Variants in ANK3 observed in about 807,000 individuals in gnomAD.
The protein encoded by ANK3 is ankyrin 3, also known as ankyrin-3.
Under a neutral mutation model 370.9 loss-of-function variants are expected in ANK3, and 57 were observed. The ratio of observed to expected loss-of-function variants is 0.15; its 90% CI spans 0.12 to 0.19. The LOEUF is 0.19. Among genes scored for constraint, ANK3 ranks in the 10% least tolerant of loss-of-function variants. The pLI, the probability that ANK3 is intolerant of heterozygous loss-of-function variation, is 1.00. For missense variants in ANK3, 4,439 were observed against 5,302.1 expected (o/e 0.84, Z 5.06); for synonymous variants, 1,929 against 1,946.3 (o/e 0.99, Z 0.23).
chr10:60,159,689 T>A (rs80065836), intron 23 of ANK3, among the ~76,000 whole-genome samples: 26 of 151,532 alleles, frequency 1.7e-4, no homozygotes, highest in South Asian at 4.2e-4. Context: ...TCAAAAAATT[T>A]AAAAAAAAAT....
intron 2 of ANK3, among the ~76,000 whole-genome samples, chr10:60,446,396 T>TG (rs2064445637): frequency 6.6e-6 from 1 of 152,190 alleles, no homozygotes; most frequent in African/African-American, 2.4e-5. Flanking sequence ...GCACTAATTC[T>TG]GGGTAGTGCC....
At chr10:60,523,302 C>T (rs2133185817) in intron 2 of ANK3, among the ~76,000 whole-genome samples, 1 of 151,702 alleles carries the variant, frequency 6.6e-6, no homozygotes, top group South Asian at 2.1e-4. Context: ...AGGTTAGTTA[C>T]ATAGGTATAC....
intron 2 of ANK3, among the ~76,000 whole-genome samples, chr10:60,584,786 T>C (rs532525166): frequency 6.6e-6 from 1 of 152,194 alleles, no homozygotes; most frequent in Non-Finnish European, 1.5e-5. Context: ...TGAAACTCAA[T>C]GACATCTTCA....
chr10:60,392,629 T>C (rs1165227501), upstream of ANK3, among the ~76,000 whole-genome samples: 1 of 152,212 alleles, frequency 6.6e-6, no homozygotes, highest in Non-Finnish European at 1.5e-5. Flanking sequence ...ATGTCAAAGC[T>C]ATTAAAAGCT....
At chr10:60,277,536 C>G (rs867175054) in intron 4 of ANK3, among the ~76,000 whole-genome samples, 1 of 152,160 alleles carries the variant, frequency 6.6e-6, no homozygotes. Context: ...AAAAGACCAT[C>G]TTTTGGAAGA....
At chr10:60,323,124 G>C (rs1157047586) in intron 1 of ANK3, among the ~76,000 whole-genome samples, 1 of 152,186 alleles carries the variant, frequency 6.6e-6, no homozygotes, top group Non-Finnish European at 1.5e-5. Context: ...AGATGGGTAA[G>C]AAACGGACTC....
In ANK3 at chr10:60,208,192, A is replaced by G. The variant is rs2096793917; in HGVS notation, c.1038T>C (p.His346=). Residue 346 remains histidine (H), a synonymous_variant, in exon 10 of 44, where the codon CAT becomes CAC. Transcript: ENST00000280772. ...GGAGGAGAAGCTGGACGCAGTTTAAATGATCCCCTTGTGTGGCCATGTGCA... is the reference window on the plus strand; with the variant it reads ...GGAGGAGAAGCTGGACGCAGTTTAAGTGATCCCCTTGTGTGGCCATGTGCA... ...SPLHMATQGD[H]LNCVQLLLQH... The G allele has an allele frequency of 1.2e-6, 2 of 1,614,182 alleles. No individual in the cohort carries two copies. Among genetic ancestry groups the G allele is most frequent in the Non-Finnish European group, 1.7e-6 (2 of 1,180,014 alleles).
chr10:60,206,683 C>G (rs4948257), intron 10 of ANK3, among the ~76,000 whole-genome samples: 116,624 of 152,154 alleles, frequency 0.77, 44,746 homozygotes, highest in East Asian at 0.86. Context: ...TTACTCCAAG[C>G]ATGCAGAAAT....
At chr10:60,467,679 A>G (rs1440915654) in intron 2 of ANK3, among the ~76,000 whole-genome samples, 1 of 152,166 alleles carries the variant, frequency 6.6e-6, no homozygotes, top group East Asian at 1.9e-4. Context: ...CAATTATTTT[A>G]TATTATTCTT....
intron 2 of ANK3, among the ~76,000 whole-genome samples, chr10:60,535,454 T>C (rs998029751): frequency 6.6e-6 from 1 of 152,092 alleles, no homozygotes; most frequent in African/African-American, 2.4e-5. Flanking sequence ...ATCGTTATTT[T>C]CCCTTTGAAT....
chr10:60,709,924 A>G (rs1337668152), intron 1 of ANK3, among the ~76,000 whole-genome samples: 1 of 152,190 alleles, frequency 6.6e-6, no homozygotes, highest in Non-Finnish European at 1.5e-5. Context: ...GGTTTACAAC[A>G]TCTGTTTACA....
At chr10:60,127,246 G>C (rs755345343) in intron 25 of ANK3, among the ~76,000 whole-genome samples, 1 of 152,182 alleles carries the variant, frequency 6.6e-6, no homozygotes, top group Non-Finnish European at 1.5e-5. Context: ...TAATCCAGGA[G>C]ATAGGAATGC....
chr10:60,709,498 C>A (rs567468783), intron 1 of ANK3, among the ~76,000 whole-genome samples: 31 of 152,086 alleles, frequency 2.0e-4, no homozygotes, highest in Admixed American at 1.4e-3. Context: ...GATTTGTATA[C>A]ATTTTGTATG....
chr10:60,415,678 A>G (rs183444923), intron 2 of ANK3, among the ~76,000 whole-genome samples: 1 of 152,248 alleles, frequency 6.6e-6, no homozygotes, highest in Admixed American at 6.5e-5. Flanking sequence ...TTCCTAAATG[A>G]AAGTATTTTT....
chr10:60,042,349 T>A (rs1260824437), intron 43 of ANK3, among the ~76,000 whole-genome samples: 1 of 152,224 alleles, frequency 6.6e-6, no homozygotes, highest in Non-Finnish European at 1.5e-5. Context: ...ATAGTCTTCC[T>A]GTTAGATTGT....
chr10:60,067,356 G>C (rs1011875450), intron 38 of ANK3, among the ~76,000 whole-genome samples: 7 of 152,092 alleles, frequency 4.6e-5, no homozygotes, highest in African/African-American at 1.7e-4. Context: ...CATTATCGAA[G>C]TGATATAAGA....
chr10:60,194,991 C>T (rs550007043), intron 16 of ANK3, among the ~76,000 whole-genome samples: 56 of 152,102 alleles, frequency 3.7e-4, no homozygotes, highest in African/African-American at 1.3e-3. Flanking sequence ...AATCTAGAAC[C>T]CCAGTTCATT....
intron 2 of ANK3, among the ~76,000 whole-genome samples, chr10:60,544,540 T>A (rs930701014): frequency 3.3e-5 from 5 of 152,114 alleles, no homozygotes; most frequent in African/African-American, 9.7e-5. Flanking sequence ...AACAAATTCT[T>A]CCTTTAAAAC....
intron 1 of ANK3, among the ~76,000 whole-genome samples, chr10:60,282,960 T>G (rs2098187325): frequency 6.6e-6 from 1 of 152,166 alleles, no homozygotes; most frequent in Admixed American, 6.5e-5. Context: ...CCTTTTACTC[T>G]TAGCCACCGG....
Sources: allele counts gnomAD v4.1 joint callset (sites outside exome capture counted in the v4.1 genomes callset), GRCh38; gene constraint gnomAD v4.1.1; transcripts MANE v1.5; gene names NCBI Gene and HGNC (gene_info 2026-07-23, HGNC 2026-07-21).